The following NXPE4 variants were observed in gnomAD, a reference collection of about 807,000 sequenced individuals.
NXPE4 encodes the protein NXPE family member 4.
In NXPE4, 42 loss-of-function variants were observed where a neutral mutation model predicts 33.3. That is an observed-to-expected ratio of 1.26 (90% CI 0.98 to 1.63). The LOEUF (loss-of-function observed/expected upper bound fraction) is 1.63. NXPE4 is among the 40% of genes most tolerant of loss of function. The pLI is 0.00. For missense variants in NXPE4, 709 were observed against 647.6 expected, an observed-to-expected ratio of 1.09 and a Z score of -1.03; for synonymous variants, 253 against 234.9, an observed-to-expected ratio of 1.08 and a Z score of -0.71.
At chr11:114,651,612 A>T in the NXPE4 span, among the ~76,000 whole-genome samples, 1 of 151,966 alleles carries the variant, frequency 6.6e-6, no homozygotes, top group Non-Finnish European at 1.5e-5. Flanking sequence ...TGATTGGTCC[A>T]TTTTACAGAG....
the NXPE4 span, among the ~76,000 whole-genome samples, chr11:114,654,426 G>A: frequency 3.4e-3 from 522 of 151,990 alleles, 2 homozygotes; most frequent in African/African-American, 0.012. Flanking sequence ...GTGTGCCATG[G>A]TGGTTTGCTG....
chr11:114,580,291 T>C lies in NXPE4; in HGVS notation c.940A>G (p.Thr314Ala). Residue 314 changes from threonine (T) to alanine (A), a missense_variant, in exon 5 of 6, where the codon ACA becomes GCA. Thr to Ala is a moderately conservative substitution (Grantham distance 58). Coordinates refer to ENST00000375478, the MANE Select transcript of NXPE4 (RefSeq NM_001077639.2). ...CTCCAGACATGCCCACTGGGGATTGTGGATGTCATTCCAAACTTGCATTTC... is the reference window on the plus strand; with the variant it reads ...CTCCAGACATGCCCACTGGGGATTGCGGATGTCATTCCAAACTTGCATTTC... Reference protein sequence around the residue: ...KEKCKFGMTSTIPSGHVWRNT... With the variant: ...KEKCKFGMTSAIPSGHVWRNT... 1.2e-6 allele frequency: 2 copies of C among 1,614,098 alleles called. No homozygotes were observed. The highest frequency in any genetic ancestry group is 8.5e-7 in the Non-Finnish European group (1 of 1,179,970).
At chr11:114,624,116 A>G in the NXPE4 span, among the ~76,000 whole-genome samples, 1 of 151,994 alleles carries the variant, frequency 6.6e-6, no homozygotes, top group Non-Finnish European at 1.5e-5. Context: ...GTCGTGGGTA[A>G]CCACTGTTAC....
chr11:114,611,865 G>C, the NXPE4 span, among the ~76,000 whole-genome samples: 1 of 151,808 alleles, frequency 6.6e-6, no homozygotes, highest in African/African-American at 2.4e-5. Flanking sequence ...ACTGTTACCT[G>C]GTGTATGAGA....
the NXPE4 span, among the ~76,000 whole-genome samples, chr11:114,607,247 G>T: frequency 1.3e-5 from 2 of 151,936 alleles, no homozygotes; most frequent in East Asian, 1.9e-4. Flanking sequence ...TTACCTGGTG[G>T]ATAATACGTG....
chr11:114,602,097 T>G, the NXPE4 span, among the ~76,000 whole-genome samples: 22 of 96,480 alleles, frequency 2.3e-4, no homozygotes, highest in African/African-American at 9.4e-4. Context: ...ATATATAACA[T>G]ATATTATAAT....
intron 2 of NXPE4, chr11:114,583,733 T>C: frequency 1.9e-6 from 1 of 526,640 alleles, no homozygotes; most frequent in Non-Finnish European, 3.8e-6. Context: ...CTGGGCCACC[T>C]TGGAACTGCT....
intron 5 of NXPE4, among the ~76,000 whole-genome samples, chr11:114,573,689 T>C (rs1281880207): frequency 6.6e-6 from 1 of 151,972 alleles, no homozygotes; most frequent in Admixed American, 6.6e-5. Context: ...TATATGCATC[T>C]AACACTGGAG....
At chr11:114,638,880 G>C in the NXPE4 span, among the ~76,000 whole-genome samples, 1 of 151,344 alleles carries the variant, frequency 6.6e-6, no homozygotes, top group Non-Finnish European at 1.5e-5. Flanking sequence ...CCCTACTGGG[G>C]GGTGCCTCCT....
the NXPE4 span, among the ~76,000 whole-genome samples, chr11:114,613,556 G>A: frequency 1.3e-5 from 2 of 151,858 alleles, no homozygotes; most frequent in African/African-American, 2.4e-5. Flanking sequence ...TGCACAATAA[G>A]TGTTGCCTAT....
chr11:114,634,525 T>G, the NXPE4 span, among the ~76,000 whole-genome samples: 1 of 152,110 alleles, frequency 6.6e-6, no homozygotes, highest in Non-Finnish European at 1.5e-5. Context: ...GTTTTAGACA[T>G]GAAGTCCTTG....
At chr11:114,602,670 A>G in the NXPE4 span, among the ~76,000 whole-genome samples, 1 of 142,338 alleles carries the variant, frequency 7.0e-6, no homozygotes. Flanking sequence ...TAATAATTAC[A>G]GAATCATATG....
the NXPE4 span, among the ~76,000 whole-genome samples, chr11:114,611,601 C>T: frequency 6.6e-6 from 1 of 151,484 alleles, no homozygotes; most frequent in Non-Finnish European, 1.5e-5. Context: ...TCGTGGGTCA[C>T]AATTCTTACC....
At chr11:114,676,123 A>C in the NXPE4 span, among the ~76,000 whole-genome samples, 2 of 152,032 alleles carry the variant, frequency 1.3e-5, no homozygotes, top group African/African-American at 4.8e-5. Context: ...AAAGACTTAA[A>C]CATAGGACCT....
chr11:114,675,791 A>G, the NXPE4 span, among the ~76,000 whole-genome samples: 6 of 151,986 alleles, frequency 3.9e-5, no homozygotes, highest in African/African-American at 1.4e-4. Flanking sequence ...CAAATAGCCA[A>G]ACCAATCTTG....
rs1948869500 is a variant in NXPE4, at chr11:114,570,932, T to C, written c.*6A>G. 1 of 1,550,592 alleles carries C rather than the reference T, an allele frequency of 6.4e-7. No individual in the cohort carries two copies. The highest frequency in any genetic ancestry group is 1.8e-5 in the Admixed American group (1 of 54,690). ...TAAGTGAATGAATTTCAGACTTTTG[T>C]GTTATTTAACAAATATAGTTTAATA... On this transcript the variant is annotated 3_prime_UTR_variant, in exon 6 of 6. Coordinates refer to ENST00000375478, the MANE Select transcript of NXPE4 (RefSeq NM_001077639.2).
the NXPE4 span, among the ~76,000 whole-genome samples, chr11:114,621,746 T>A: frequency 6.6e-6 from 1 of 151,562 alleles, no homozygotes; most frequent in Non-Finnish European, 1.5e-5. Context: ...CACGGTTAAC[T>A]GCTAGATAAT....
At chr11:114,632,749 ATAATATATCATATAT>A in the NXPE4 span, among the ~76,000 whole-genome samples, 3 of 63,914 alleles carry the variant, frequency 4.7e-5, no homozygotes, top group Non-Finnish European at 8.0e-5. Context: ...AAAATATATT[ATAATATATCATATAT>A]TATATAATTA....
the NXPE4 span, among the ~76,000 whole-genome samples, chr11:114,663,029 C>T: frequency 9.2e-5 from 14 of 152,248 alleles, no homozygotes; most frequent in South Asian, 6.2e-4. Context: ...GTCTCTTATA[C>T]GGCATTTCTG....
Sources: gnomAD v4.1 joint callset for allele counts (sites outside exome capture counted in the v4.1 genomes callset) on GRCh38, gnomAD v4.1.1 for gene constraint, MANE v1.5 for transcripts, NCBI Gene and HGNC (gene_info 2026-07-23, HGNC 2026-07-21) for gene names.